Variants in CD36 observed in about 807,000 individuals in gnomAD.
The protein encoded by CD36 is platelet glycoprotein 4.
A neutral mutation model predicts 55.2 loss-of-function variants in CD36; 119 were observed. The ratio of observed to expected loss-of-function variants is 2.15; its 90% CI spans 1.86 to 2.51. CD36 has a LOEUF of 2.51. Ranked by LOEUF, CD36 falls within the 30% of genes most tolerant of loss-of-function variation. The pLI is 0.00. For synonymous variants in CD36, 186 were observed against 193.6 expected, an observed-to-expected ratio of 0.96 and a Z score of 0.33; for missense variants, 819 against 555.5, an observed-to-expected ratio of 1.47 and a Z score of -4.77.
rs914830638 is a variant in CD36, at chr7:80,677,597, T to C, written c.*1214T>C. 1 of 152,176 alleles carries C rather than the reference T, an allele frequency of 6.6e-6. No individual in the cohort carries two copies. The highest frequency in any genetic ancestry group is 2.4e-5 in the African/African-American group (1 of 41,456). The allele number at this position is 152,176 out of a possible 1,614,324, so 9.4% of individuals were successfully genotyped here. ...GTGCCTTTCCTTTTAACTGGGAAGATAAAAGAAGTATCTGTCCAAGATATT... is the reference window on the plus strand; with the variant it reads ...GTGCCTTTCCTTTTAACTGGGAAGACAAAAGAAGTATCTGTCCAAGATATT... On this transcript the variant is annotated 3_prime_UTR_variant, in exon 15 of 15. Transcript: ENST00000447544.
At chr7:80,632,292 T>A (rs1290528319) in intron 1 of CD36, among the ~76,000 whole-genome samples, 1 of 151,550 alleles carries the variant, frequency 6.6e-6, no homozygotes, top group East Asian at 1.9e-4. Flanking sequence ...AAGAATGGTA[T>A]CACAGATGTA....
chr7:80,634,443 AT>A (rs1794266895), upstream of CD36, among the ~76,000 whole-genome samples: 1 of 152,126 alleles, frequency 6.6e-6, no homozygotes, highest in African/African-American at 2.4e-5. Context: ...TTGTATCTGC[AT>A]ATAGCCTTAC....
chr7:80,621,458 G>C (rs1217621299), intron 1 of CD36, among the ~76,000 whole-genome samples: 2 of 152,062 alleles, frequency 1.3e-5, no homozygotes, highest in African/African-American at 4.8e-5. Flanking sequence ...AATAATACAT[G>C]GAAGCATTTA....
At position 80,646,633 on chromosome 7, in the gene CD36, G is replaced by T. The variant is rs563780469; in HGVS notation, c.-89-19G>T. On this transcript the variant is annotated intron_variant, in intron 2 of 14. Coordinates refer to ENST00000447544, the MANE Select transcript of CD36 (RefSeq NM_001001548.3). ...ACTGATATTTAAGCTTCTGTTTTAT[G>T]ATCTCTTTCTAATGATAGAACCAGA... 3.9e-5 allele frequency: 52 copies of T among 1,317,840 alleles called. No homozygotes were observed. The highest frequency in any genetic ancestry group is 5.4e-5 in the Non-Finnish European group (49 of 914,114). The allele number at this position is 1,317,840 out of a possible 1,614,324, so 81.6% of individuals were successfully genotyped here. A position where few individuals can be genotyped will look rare whatever the true frequency, so the allele number is the denominator to read the frequency against.
Position 80,673,521 on chromosome 7 carries a change from C to T in CD36, c.1254+112C>T. 3 of 747,408 alleles carry T rather than the reference C, an allele frequency of 4.0e-6. No homozygotes were observed. The Admixed American group carries it at 5.6e-5, about 14-fold the overall frequency. 46.3% of individuals were successfully genotyped at this position (747,408 alleles called of 1,614,324 possible). On this transcript the variant is annotated intron_variant, in intron 13 of 14. Coordinates refer to ENST00000447544, the MANE Select transcript of CD36 (RefSeq NM_001001548.3). ...TAAAGCTATATGTATTTCCATTACC[C>T]ATATGGATGAGTATACATTTATTTA...
chr7:80,610,634 G>A (rs1792826009), intron 1 of CD36, among the ~76,000 whole-genome samples: 1 of 152,020 alleles, frequency 6.6e-6, no homozygotes, highest in Non-Finnish European at 1.5e-5. Flanking sequence ...CAGGGCGGTG[G>A]CGTGATCTCG....
chr7:80,618,439 A>G (rs11972894), intron 1 of CD36, among the ~76,000 whole-genome samples: 18,198 of 152,188 alleles, frequency 0.12, 1,526 homozygotes, highest in East Asian at 0.34. Flanking sequence ...TAAAAAAACT[A>G]GAAGTGATTA....
At chr7:80,607,283 A>G (rs10267891) in intron 1 of CD36, among the ~76,000 whole-genome samples, 5 of 122,686 alleles carry the variant, frequency 4.1e-5, no homozygotes, top group South Asian at 5.5e-4. Flanking sequence ...AAAAGAAGAA[A>G]AAGAAAAGCA....
intron 1 of CD36, among the ~76,000 whole-genome samples, chr7:80,615,191 A>G (rs1176815514): frequency 5.3e-5 from 8 of 152,138 alleles, no homozygotes; most frequent in Non-Finnish European, 8.8e-5. Flanking sequence ...TCCCGCATTC[A>G]TTTATTAGTC....
rs3211937 is a variant in CD36, at chr7:80,670,793, G to A, written c.819-184G>A. 66 of 596,582 alleles carry A rather than the reference G, an allele frequency of 1.1e-4. No individual in the cohort carries two copies. The Middle Eastern group carries it at 2.7e-3, about 25-fold the overall frequency. The allele number at this position is 596,582 out of a possible 1,614,324, so 37.0% of individuals were successfully genotyped here. The stretch of plus-strand genomic sequence containing the variant: ...ACATGGTACTTCACAAACAAGAATA[G>A]TTCATGCTTGGCTATTGAGTTTTAG... On this transcript the variant is annotated intron_variant, in intron 9 of 14. Transcript: ENST00000447544.
intron 4 of CD36, among the ~76,000 whole-genome samples, chr7:80,660,854 A>G (rs1427787084): frequency 1.3e-5 from 2 of 152,040 alleles, no homozygotes; most frequent in Non-Finnish European, 2.9e-5. Flanking sequence ...CTCTCTCACT[A>G]TTTTAATTTC....
At chr7:80,639,842 A>G (rs1054079440) in intron 1 of CD36, 6 of 152,062 alleles carry the variant, frequency 3.9e-5, no homozygotes, top group African/African-American at 1.4e-4. Context: ...TTAATTTCCC[A>G]GACTCATTAG....
chr7:80,648,484 T>C (rs1222563784), intron 3 of CD36, among the ~76,000 whole-genome samples: 2 of 152,166 alleles, frequency 1.3e-5, no homozygotes, highest in African/African-American at 4.8e-5. Flanking sequence ...TAGATTCTTT[T>C]GAATAGCATG....
chr7:80,659,542 C>T (rs900473080), intron 4 of CD36, among the ~76,000 whole-genome samples: 6 of 152,116 alleles, frequency 3.9e-5, no homozygotes, highest in African/African-American at 7.2e-5. Context: ...TAAACAAACA[C>T]GTTCCAAAAC....
In CD36 at chr7:80,673,358, ATTAAAGAATC is replaced by A; in HGVS notation, c.1205_1214del (p.Leu402Ter). ...TTATTTTCAACGTATATTACAGAGT[ATTAAAGAATC>A]TGAAGAGGAACTATATTGTGCCTAT... On this transcript the variant is annotated frameshift_variant, in exon 13 of 15. Coordinates refer to ENST00000447544, the MANE Select transcript of CD36 (RefSeq NM_001001548.3). LOFTEE classifies it high-confidence loss of function. 1 of 1,431,200 alleles carries A rather than the reference ATTAAAGAATC, an allele frequency of 7.0e-7. No homozygotes were observed. Among genetic ancestry groups the A allele is most frequent in the Non-Finnish European group, 9.9e-7 (1 of 1,014,864 alleles). 88.7% of individuals were successfully genotyped at this position (1,431,200 alleles called of 1,614,324 possible).
At chr7:80,631,987 T>TG (rs1294226292) in intron 1 of CD36, among the ~76,000 whole-genome samples, 4 of 152,036 alleles carry the variant, frequency 2.6e-5, no homozygotes, top group African/African-American at 9.6e-5. Flanking sequence ...GTCAAGTTAT[T>TG]GCAAGGTATT....
At position 80,676,597 on chromosome 7, in the gene CD36, A is replaced by G. The variant is rs1011461914; in HGVS notation, c.*214A>G. ...GTATACTGCATTTCATGTGCACCAA[A>G]TATTTTGAAAGACATTTATAAATAA... On this transcript the variant is annotated 3_prime_UTR_variant, in exon 15 of 15. Transcript: ENST00000447544. 3 of 152,250 alleles carry G rather than the reference A, an allele frequency of 2.0e-5. No homozygotes were observed. In the East Asian group the frequency reaches 5.8e-4, roughly 29 times the overall value. 9.4% of individuals were successfully genotyped at this position (152,250 alleles called of 1,614,324 possible).
chr7:80,655,988 A>G (rs569794824), intron 3 of CD36, among the ~76,000 whole-genome samples: 1 of 152,034 alleles, frequency 6.6e-6, no homozygotes, highest in Non-Finnish European at 1.5e-5. Context: ...TTTTGAAGAC[A>G]CGGTGTCAAA....
intron 8 of CD36, among the ~76,000 whole-genome samples, chr7:80,669,697 A>G (rs564399450): frequency 2.0e-5 from 3 of 152,228 alleles, no homozygotes; most frequent in East Asian, 1.9e-4. Context: ...GGGTTTCACC[A>G]TGTAGGCCAG....
Sources: allele counts gnomAD v4.1 joint callset (sites outside exome capture counted in the v4.1 genomes callset), GRCh38; gene constraint gnomAD v4.1.1; transcripts MANE v1.5; gene names NCBI Gene and HGNC (gene_info 2026-07-23, HGNC 2026-07-21).